The following DYNC2H1 variants were observed in gnomAD, a reference collection of about 807,000 sequenced individuals.
The protein encoded by DYNC2H1 is cytoplasmic dynein 2 heavy chain 1.
DYNC2H1 carries 410 observed loss-of-function variants against 570.0 expected under a neutral mutation model. The ratio of observed to expected loss-of-function variants is 0.72; its 90% CI spans 0.66 to 0.78. DYNC2H1 has a LOEUF of 0.78. DYNC2H1 is among the 30% of genes least tolerant of loss of function. DYNC2H1 has a pLI of 0.00. For missense variants in DYNC2H1, 4,865 were observed against 5,046.4 expected (o/e 0.96, Z 1.09); for synonymous variants, 1,688 against 1,677.6 (o/e 1.01, Z -0.15).
intron 66 of DYNC2H1, among the ~76,000 whole-genome samples, chr11:103,253,659 T>C (rs1290537014): frequency 6.6e-6 from 1 of 152,208 alleles, no homozygotes; most frequent in African/African-American, 2.4e-5. Context: ...GTCAAATTGC[T>C]GCTCCTTTTA....
chr11:103,391,566 A>G (rs1392309644), intron 83 of DYNC2H1, among the ~76,000 whole-genome samples: 1 of 152,194 alleles, frequency 6.6e-6, no homozygotes, highest in Non-Finnish European at 1.5e-5. Flanking sequence ...GGAAGGGAAG[A>G]GGCGCTCTGA....
chr11:103,477,043 A>G (rs1945574212), intron 88 of DYNC2H1, among the ~76,000 whole-genome samples: 1 of 152,022 alleles, frequency 6.6e-6, no homozygotes, highest in Admixed American at 6.5e-5. Context: ...TTCTTTCCAC[A>G]TCCTGTGAGG....
rs1341701679 is a variant in DYNC2H1 at position 103,235,848 on chromosome 11, G to A, written c.9709+35G>A. ...TAGTTATTCCTGATCTTGAGAGTTT[G>A]TATTTAGTTATTCCTGAATTTAAAA... On this transcript the variant is annotated intron_variant, in intron 62 of 88. Coordinates refer to ENST00000375735, the MANE Select transcript of DYNC2H1 (RefSeq NM_001377.3). 4 of 1,603,600 alleles carry A rather than the reference G, an allele frequency of 2.5e-6. No individual in the cohort carries two copies. The East Asian group carries it at 9.0e-5, about 36-fold the overall frequency.
intron 73 of DYNC2H1, among the ~76,000 whole-genome samples, chr11:103,284,727 T>C (rs1444440371): frequency 2.0e-5 from 3 of 151,628 alleles, no homozygotes; most frequent in African/African-American, 7.3e-5. Context: ...GGATTATTTT[T>C]ATATGAATAT....
chr11:103,327,529 G>C (rs747532540), intron 82 of DYNC2H1, among the ~76,000 whole-genome samples: 1 of 152,120 alleles, frequency 6.6e-6, no homozygotes, highest in Non-Finnish European at 1.5e-5. Flanking sequence ...ATTATTAACA[G>C]AACATGGCTT....
At chr11:103,148,405 A>G in intron 19 of DYNC2H1, 85 bp from the exon 20 acceptor site, 1 of 1,392,222 alleles carries the variant, frequency 7.2e-7, no homozygotes, top group Non-Finnish European at 9.8e-7. Context: ...GATTACTTCT[A>G]CCACCCCTTG....
intron 63 of DYNC2H1, 62 bp downstream of exon 63, chr11:103,236,601 T>C: frequency 2.2e-6 from 2 of 925,266 alleles, no homozygotes; most frequent in East Asian, 5.5e-5. Flanking sequence ...GCTGTAGAAA[T>C]TGTGTTCTTC....
intron 85 of DYNC2H1, among the ~76,000 whole-genome samples, chr11:103,445,462 C>T (rs527774391): frequency 6.6e-6 from 1 of 152,100 alleles, no homozygotes; most frequent in East Asian, 1.9e-4. Context: ...TGACTTGCTT[C>T]GGAAAAAAAG....
At chr11:103,302,883 G>A (rs1433203753) in intron 75 of DYNC2H1, among the ~76,000 whole-genome samples, 1 of 151,776 alleles carries the variant, frequency 6.6e-6, no homozygotes, top group Non-Finnish European at 1.5e-5. Flanking sequence ...TATCATACGT[G>A]GAAAACATTT....
chr11:103,415,625 G>A (rs961100220), intron 84 of DYNC2H1, among the ~76,000 whole-genome samples: 2 of 152,156 alleles, frequency 1.3e-5, no homozygotes, highest in African/African-American at 4.8e-5. Context: ...AGTTAGAATG[G>A]CGATCATTAA....
In DYNC2H1 at chr11:103,129,036, G is replaced by T. The variant is rs761158720; in HGVS notation, c.1953+31G>T. 4.6e-6 allele frequency: 7 copies of T among 1,524,258 alleles called. No homozygotes were observed. The highest frequency in any genetic ancestry group is 6.3e-6 in the Non-Finnish European group (7 of 1,113,654). The allele number at this position is 1,524,258 out of a possible 1,614,324, so 94.4% of individuals were successfully genotyped here. On this transcript the variant is annotated intron_variant, in intron 13 of 88. Transcript: ENST00000375735. The surrounding 1 kb of genome is among the most constrained non-coding windows in gnomAD (Gnocchi z 4.1). ...TGGGCTTTTAATTTTATTATAATTA[G>T]ATTTTACATGTGAAGTGTTTAATTC...
In DYNC2H1 at chr11:103,172,085, G is replaced by GT. The variant is rs1195056292; in HGVS notation, c.5335-993dup. On this transcript the variant is annotated intron_variant, in intron 34 of 88. Coordinates refer to ENST00000375735, the MANE Select transcript of DYNC2H1 (RefSeq NM_001377.3). ...TAAAATAACATTTTAACAGTACATAGTTTTCTAGGTAGCCCAAGAATGTAA... is the reference window on the plus strand; with the variant it reads ...TAAAATAACATTTTAACAGTACATAGTTTTTCTAGGTAGCCCAAGAATGTAA... Among the ~76,000 whole-genome samples, 4 of 152,156 alleles carry GT rather than the reference G, an allele frequency of 2.6e-5. No individual in the cohort carries two copies. The East Asian group carries it at 7.7e-4, about 29-fold the overall frequency.
chr11:103,255,093 A>T (rs1864998721), intron 66 of DYNC2H1, among the ~76,000 whole-genome samples: 1 of 152,114 alleles, frequency 6.6e-6, no homozygotes, highest in Non-Finnish European at 1.5e-5. Context: ...TAATGTGAAT[A>T]CTTACTATTA....
intron 45 of DYNC2H1, among the ~76,000 whole-genome samples, chr11:103,191,070 C>T (rs1232258882): frequency 3.0e-5 from 4 of 132,158 alleles, no homozygotes; most frequent in East Asian, 4.4e-4. Context: ...GATGGAGTCT[C>T]GCTTTGTCGC....
In DYNC2H1 at chr11:103,179,047, G is replaced by A; in HGVS notation, c.6161G>A (p.Cys2054Tyr). 6.2e-7 allele frequency: 1 copy of A among 1,611,158 alleles called. No individual in the cohort carries two copies. Among genetic ancestry groups the A allele is most frequent in the Non-Finnish European group, 8.5e-7 (1 of 1,178,064 alleles). Residue 2054 changes from cysteine (C) to tyrosine (Y), a missense_variant, in exon 39 of 89, where the codon TGT (cysteine) becomes TAT (tyrosine). Cys to Tyr is a radical substitution (Grantham distance 194). This residue lies in a region of DYNC2H1 where 231 missense variants were observed against 310.3 expected (regional missense o/e 0.74). Transcript: ENST00000375735. ...ATAGATGTCAGCTCATGGATAATCT[G>A]TGATGGTGATATTGACCCTGAATGG... is the stretch of plus-strand genomic sequence containing the variant. The part of the protein sequence containing the change: ...EPQDVSSWII[C>Y]DGDIDPEWIE...
At chr11:103,471,276 A>T (rs565637360) in intron 88 of DYNC2H1, among the ~76,000 whole-genome samples, 2 of 152,230 alleles carry the variant, frequency 1.3e-5, no homozygotes, top group East Asian at 3.9e-4. Flanking sequence ...TTCTTTCTTT[A>T]CAGTGAGCCT....
chr11:103,191,294 C>T (rs1026166538), intron 45 of DYNC2H1, among the ~76,000 whole-genome samples: 15 of 151,948 alleles, frequency 9.9e-5, no homozygotes, highest in Admixed American at 2.6e-4. Context: ...CCCACTCAGC[C>T]TCTGAAAGTG....
intron 85 of DYNC2H1, among the ~76,000 whole-genome samples, chr11:103,448,371 C>G (rs1044309868): frequency 6.6e-6 from 1 of 152,070 alleles, no homozygotes; most frequent in African/African-American, 2.4e-5. Context: ...TAAAAAGATA[C>G]CTCTTCCACA....
At position 103,192,208 on chromosome 11, in the gene DYNC2H1, T is replaced by G; in HGVS notation, c.7652T>G (p.Ile2551Ser). ...GAKELHLFDI[I>S]LTSVFQGDWG... ...AAGGAACTTCATTTATTTGACATCA[T>G]TTTAACATCAGTGTTTCAAGGAGAT... The change falls in exon 47 of 89, where the codon ATT becomes AGT. Residue 2551 changes from isoleucine to serine, a missense_variant. Ile to Ser is a moderately radical substitution (Grantham distance 142, BLOSUM62 -2). Transcript: ENST00000375735. 1 of 1,591,586 alleles carries G rather than the reference T, an allele frequency of 6.3e-7. No individual in the cohort carries two copies. Among genetic ancestry groups the G allele is most frequent in the Non-Finnish European group, 8.6e-7 (1 of 1,166,126 alleles).
Sources: gnomAD v4.1 joint callset for allele counts (sites outside exome capture counted in the v4.1 genomes callset) on GRCh38, gnomAD v4.1.1 for gene constraint, gnomAD v4.1.1 regional missense constraint, Gnocchi (gnomAD v3.1) non-coding constraint, MANE v1.5 for transcripts, NCBI Gene and HGNC (gene_info 2026-07-23, HGNC 2026-07-21) for gene names.